KCNQ5: variants seen among roughly 807,000 people sequenced by gnomAD.
The protein encoded by KCNQ5 is potassium voltage-gated channel subfamily KQT member 5.
KCNQ5 carries 30 observed loss-of-function variants against 98.2 expected under a neutral mutation model. That is an observed-to-expected ratio of 0.31 (90% CI 0.23 to 0.41). The LOEUF (loss-of-function observed/expected upper bound fraction) is 0.41. Ranked by LOEUF, KCNQ5 falls within the 10% of genes least tolerant of loss-of-function variation. KCNQ5 has a pLI of 1.00. For synonymous variants in KCNQ5, 458 were observed against 449.4 expected, an observed-to-expected ratio of 1.02 and a Z score of -0.24; for missense variants, 835 against 1,182.5, an observed-to-expected ratio of 0.71 and a Z score of 4.31.
Position 72,763,509 on chromosome 6 carries a change from T to C in KCNQ5, c.398+140922T>C, listed in dbSNP as rs139638483. Among the ~76,000 whole-genome samples, 496 of 152,212 alleles carry C rather than the reference T, an allele frequency of 3.3e-3. 4 individuals are homozygous for C. The highest frequency in any genetic ancestry group is 0.011 in the African/African-American group (470 of 41,564). Reference sequence around the variant, plus strand: ...TGTATAAAATGTCAATTACAAGTCATGCTTGGTGCCCTTTATTGTCTTAAG... The same window carrying C: ...TGTATAAAATGTCAATTACAAGTCACGCTTGGTGCCCTTTATTGTCTTAAG... On this transcript the variant is annotated intron_variant, in intron 1 of 13. Transcript: ENST00000370398.
At chr6:72,819,182 C>A (rs9360602) in intron 1 of KCNQ5, among the ~76,000 whole-genome samples, 111,799 of 151,756 alleles carry the variant, frequency 0.74, 42,402 homozygotes, top group African/African-American at 0.93. Context: ...GTGGGTACAT[C>A]GTAGGTGTAT....
intron 6 of KCNQ5, among the ~76,000 whole-genome samples, chr6:73,108,671 C>T (rs937790577): frequency 1.3e-5 from 2 of 151,768 alleles, no homozygotes; most frequent in African/African-American, 4.8e-5. Context: ...CTAAAAAATA[C>T]AAAAAATCAG....
chr6:73,159,752 G>C (rs1317720465), intron 10 of KCNQ5, among the ~76,000 whole-genome samples: 1 of 152,118 alleles, frequency 6.6e-6, no homozygotes, highest in Admixed American at 6.5e-5. Context: ...TATATATTTT[G>C]AATTGTGATT....
At chr6:72,829,495 G>GTC (rs1237052905) in intron 1 of KCNQ5, among the ~76,000 whole-genome samples, 2 of 151,734 alleles carry the variant, frequency 1.3e-5, no homozygotes, top group Admixed American at 6.6e-5. Flanking sequence ...GGTATTAAAG[G>GTC]TCTCTCTCTC....
At chr6:73,142,682 G>C (rs1026044032) in intron 10 of KCNQ5, among the ~76,000 whole-genome samples, 1 of 152,140 alleles carries the variant, frequency 6.6e-6, no homozygotes. Context: ...TTGGGAGGCT[G>C]AGGGGGATGG....
chr6:72,654,102 G>C (rs967095234), intron 1 of KCNQ5, among the ~76,000 whole-genome samples: 2 of 151,938 alleles, frequency 1.3e-5, no homozygotes, highest in African/African-American at 4.8e-5. Flanking sequence ...AAATAGAAAT[G>C]ATCATCATTT....
chr6:73,071,167 G>A (rs1368658059), intron 3 of KCNQ5, among the ~76,000 whole-genome samples: 1 of 152,094 alleles, frequency 6.6e-6, no homozygotes, highest in Non-Finnish European at 1.5e-5. Flanking sequence ...ATCACATAGT[G>A]AACAGTAAAC....
intron 1 of KCNQ5, among the ~76,000 whole-genome samples, chr6:72,655,018 G>GTCGGTCTTTCTTTCCCTCTTTCTT (rs1554683229): frequency 1.1e-5 from 1 of 90,594 alleles, no homozygotes; most frequent in Non-Finnish European, 2.0e-5. Flanking sequence ...AATAGCCAAG[G>GTCGGTCTTTCTTTCCCTCTTTCTT]TCTGTCTGTC....
chr6:72,755,652 T>TG (rs1771925559), intron 1 of KCNQ5, among the ~76,000 whole-genome samples: 1 of 152,208 alleles, frequency 6.6e-6, no homozygotes, highest in Non-Finnish European at 1.5e-5. Context: ...TTCTTTGTGT[T>TG]ATTGTCATAC....
intron 1 of KCNQ5, among the ~76,000 whole-genome samples, chr6:72,739,922 C>A (rs191642166): frequency 6.6e-6 from 1 of 152,292 alleles, no homozygotes; most frequent in East Asian, 1.9e-4. Context: ...TAACAAGATA[C>A]CATAAACTTG....
At chr6:73,141,693 A>G (rs1396837943) in intron 10 of KCNQ5, among the ~76,000 whole-genome samples, 1 of 152,188 alleles carries the variant, frequency 6.6e-6, no homozygotes, top group Non-Finnish European at 1.5e-5. Context: ...TGCCTTAACC[A>G]TACCTTTTGG....
chr6:73,005,118 A>G (rs1769757994), intron 2 of KCNQ5, among the ~76,000 whole-genome samples: 1 of 152,208 alleles, frequency 6.6e-6, no homozygotes, highest in Non-Finnish European at 1.5e-5. Context: ...AATCTCTCTC[A>G]ATTCATTTGC....
intron 2 of KCNQ5, among the ~76,000 whole-genome samples, chr6:73,014,518 G>T (rs1032747036): frequency 6.6e-6 from 1 of 151,946 alleles, no homozygotes; most frequent in Non-Finnish European, 1.5e-5. Flanking sequence ...CTCTATCCAG[G>T]CTTTCCCAAA....
chr6:72,819,847 C>G (rs1410464694), intron 1 of KCNQ5, among the ~76,000 whole-genome samples: 2 of 152,212 alleles, frequency 1.3e-5, no homozygotes, highest in Admixed American at 6.5e-5. Context: ...CTGCCTATTG[C>G]AACAGCACCT....
intron 2 of KCNQ5, among the ~76,000 whole-genome samples, chr6:73,004,704 A>G (rs563007003): frequency 2.6e-5 from 4 of 152,182 alleles, no homozygotes; most frequent in African/African-American, 9.7e-5. Flanking sequence ...ATCACATCTG[A>G]TTGAAAGTTT....
intron 10 of KCNQ5, among the ~76,000 whole-genome samples, chr6:73,148,739 G>A (rs1777020718): frequency 6.6e-6 from 1 of 152,152 alleles, no homozygotes; most frequent in South Asian, 2.1e-4. Context: ...TATTTCTGAT[G>A]TGACTGTAAA....
chr6:73,023,848 C>T (rs1260000495), intron 2 of KCNQ5, among the ~76,000 whole-genome samples: 1 of 152,074 alleles, frequency 6.6e-6, no homozygotes. Flanking sequence ...TTAAAGAGCT[C>T]ACTGGGAACC....
Position 72,645,023 on chromosome 6 carries a change from T to G in KCNQ5, c.398+22436T>G, listed in dbSNP as rs547246805. ...TTGTGTCACATAATATTACCCCATA[T>G]CCCAGCATGCTGGGATGGCCTGGAC... On this transcript the variant is annotated intron_variant, in intron 1 of 13. Transcript: ENST00000370398. Among the ~76,000 whole-genome samples the G allele has an allele frequency of 2.6e-5, 4 of 152,038 alleles. No homozygotes were observed. In the East Asian group the frequency reaches 7.8e-4, roughly 29 times the overall value.
At chr6:72,979,886 C>A (rs1469491908) in intron 1 of KCNQ5, among the ~76,000 whole-genome samples, 2 of 152,172 alleles carry the variant, frequency 1.3e-5, no homozygotes, top group Admixed American at 1.3e-4. Context: ...TTTCAGCTTT[C>A]TACATATGGC....
Sources: allele counts gnomAD v4.1 joint callset (sites outside exome capture counted in the v4.1 genomes callset), GRCh38; gene constraint gnomAD v4.1.1; transcripts MANE v1.5; gene names NCBI Gene and HGNC (gene_info 2026-07-23, HGNC 2026-07-21).